Variants in SYT10 observed in about 807,000 individuals in gnomAD.
The protein encoded by SYT10 is synaptotagmin 10, also known as synaptotagmin-10.
In SYT10, 31 loss-of-function variants were observed where a neutral mutation model predicts 51.1. That is an observed-to-expected ratio of 0.61 (90% CI 0.46 to 0.82). SYT10 has a LOEUF of 0.82. SYT10 is among the 40% of genes least tolerant of loss of function. The pLI, the probability that SYT10 is intolerant of heterozygous loss-of-function variation, is 0.00. For missense variants in SYT10, 603 were observed against 634.0 expected, an observed-to-expected ratio of 0.95 and a Z score of 0.53; for synonymous variants, 233 against 225.9, an observed-to-expected ratio of 1.03 and a Z score of -0.28.
intron 1 of SYT10, among the ~76,000 whole-genome samples, chr12:33,434,298 G>GT (rs1460140433): frequency 1.3e-5 from 2 of 152,096 alleles, no homozygotes; most frequent in Admixed American, 1.3e-4. Flanking sequence ...TTTTAATGTT[G>GT]TAAGTGCTCT....
intron 2 of SYT10, among the ~76,000 whole-genome samples, chr12:33,423,634 A>T (rs1866524507): frequency 6.6e-6 from 1 of 152,174 alleles, no homozygotes; most frequent in Non-Finnish European, 1.5e-5. Flanking sequence ...CATTCATGAT[A>T]TTCATATACA....
chr12:33,425,135 T>C (rs756330920), intron 2 of SYT10, among the ~76,000 whole-genome samples: 5 of 152,150 alleles, frequency 3.3e-5, no homozygotes, highest in African/African-American at 9.6e-5. Context: ...ATTTGATAGA[T>C]TTCTAAACCC....
At chr12:33,377,322 G>A (rs1490722178) in intron 6 of SYT10, among the ~76,000 whole-genome samples, 6 of 151,774 alleles carry the variant, frequency 4.0e-5, no homozygotes, top group East Asian at 2.0e-4. Flanking sequence ...ACAGGCGCCC[G>A]CCACCACGCC....
intron 5 of SYT10, among the ~76,000 whole-genome samples, chr12:33,382,051 T>C (rs1359195593): frequency 2.0e-5 from 3 of 152,202 alleles, no homozygotes; most frequent in Non-Finnish European, 4.4e-5. Flanking sequence ...TTCTGTTGAT[T>C]GTAATCTCTG....
Position 33,439,420 on chromosome 12 carries a change from AG to A in SYT10, c.102del (p.Ser35ArgfsTer23), listed in dbSNP as rs1488673005. On this transcript the variant is annotated frameshift_variant, in exon 1 of 7. Transcript: ENST00000228567. LOFTEE classifies it high-confidence loss of function. ...CCCCTGTCCCGAGGGAAGATGCCCG[AG>A]CACTTCTCCCACTCCACCTGGCCGG... ...CFAGQVEWEK[C>X]SGIFPRDRGS... The A allele has an allele frequency of 1.2e-6, 2 of 1,614,080 alleles. No homozygotes were observed. Among genetic ancestry groups the A allele is most frequent in the Middle Eastern group, 1.6e-4 (1 of 6,062 alleles).
At chr12:33,387,772 G>A (rs1238673828) in intron 3 of SYT10, among the ~76,000 whole-genome samples, 2 of 130,330 alleles carry the variant, frequency 1.5e-5, no homozygotes, top group Non-Finnish European at 3.1e-5. Context: ...TTTTGAGACA[G>A]GGACTCTCAC....
intron 3 of SYT10, among the ~76,000 whole-genome samples, chr12:33,402,353 GT>G (rs1866314075): frequency 6.6e-6 from 1 of 151,862 alleles, no homozygotes; most frequent in Non-Finnish European, 1.5e-5. Context: ...TCCTCATGCT[GT>G]TTTTTTCTTC....
chr12:33,408,336 C>T (rs530044377), intron 2 of SYT10: 2 of 151,984 alleles, frequency 1.3e-5, no homozygotes, highest in African/African-American at 2.4e-5. Flanking sequence ...TAAAAACAAA[C>T]GTAGAATTTT....
At chr12:33,394,816 C>T (rs1320577389) in intron 3 of SYT10, among the ~76,000 whole-genome samples, 3 of 152,208 alleles carry the variant, frequency 2.0e-5, no homozygotes, top group Admixed American at 6.5e-5. Flanking sequence ...TACACAGGCA[C>T]GGTGGCTCAC....
chr12:33,434,803 C>T (rs920856257), intron 1 of SYT10, among the ~76,000 whole-genome samples: 5 of 151,898 alleles, frequency 3.3e-5, no homozygotes, highest in African/African-American at 1.2e-4. Context: ...GAACCTCCAT[C>T]TCAAAAAAAT....
At chr12:33,422,442 A>C (rs1866513209) in intron 2 of SYT10, among the ~76,000 whole-genome samples, 1 of 152,142 alleles carries the variant, frequency 6.6e-6, no homozygotes, top group Admixed American at 6.6e-5. Flanking sequence ...AGTGTTGCCA[A>C]GTGAATTATC....
chr12:33,421,462 G>T (rs1350817449), intron 2 of SYT10, among the ~76,000 whole-genome samples: 2 of 151,998 alleles, frequency 1.3e-5, no homozygotes, highest in East Asian at 1.9e-4. Context: ...AAAGAAAATT[G>T]GTTCTCATAC....
chr12:33,407,530 C>T (rs1866369740), intron 2 of SYT10, among the ~76,000 whole-genome samples, 174 bp from the exon 3 acceptor site: 1 of 152,140 alleles, frequency 6.6e-6, no homozygotes, highest in East Asian at 1.9e-4. Flanking sequence ...TAAAGAAGTA[C>T]AATATTCAAA....
intron 3 of SYT10, among the ~76,000 whole-genome samples, chr12:33,392,032 C>T (rs1866212299): frequency 6.6e-6 from 1 of 152,136 alleles, no homozygotes; most frequent in African/African-American, 2.4e-5. Context: ...CTTGAGAATA[C>T]AATAAACCAG....
chr12:33,411,616 G>A (rs1457169521), intron 2 of SYT10, among the ~76,000 whole-genome samples: 1 of 152,214 alleles, frequency 6.6e-6, no homozygotes, highest in East Asian at 1.9e-4. Context: ...AAACATACTA[G>A]AACTACTTTA....
rs1224632663 is a variant in SYT10 at position 33,396,749 on chromosome 12, T to C, written c.1077+10040A>G. ...GCCAGGCTGGAGTGCAGTGGCGCGA[T>C]CTTGGCTCACTGCAACCTCCACCTC... On this transcript the variant is annotated intron_variant, in intron 3 of 6. Coordinates refer to ENST00000228567, the MANE Select transcript of SYT10 (RefSeq NM_198992.4). Among the ~76,000 whole-genome samples, 7 of 151,770 alleles carry C rather than the reference T, an allele frequency of 4.6e-5. No homozygotes were observed. The East Asian group carries it at 7.8e-4, about 17-fold the overall frequency.
At chr12:33,427,324 G>T (rs187861448) in intron 1 of SYT10, among the ~76,000 whole-genome samples, 19 of 152,238 alleles carry the variant, frequency 1.2e-4, no homozygotes, top group African/African-American at 4.6e-4. Flanking sequence ...GAAATGGGCC[G>T]ATGGGACTAG....
At position 33,375,989 on chromosome 12, in the gene SYT10, C is replaced by T. The variant is rs944321727; in HGVS notation, c.*841G>A. The T allele has an allele frequency of 4.6e-5, 7 of 152,630 alleles. 1 individual carries two copies. Among genetic ancestry groups the T allele is most frequent in the Admixed American group, 4.6e-4 (7 of 15,288 alleles). The allele number at this position is 152,630 out of a possible 1,614,324, so 9.5% of individuals were successfully genotyped here. Reference sequence around the variant, plus strand: ...CATGTCACAGTACTTGAGAACCTTACAAACACTTAAAAATTAACTTCTGAT... The same window carrying T: ...CATGTCACAGTACTTGAGAACCTTATAAACACTTAAAAATTAACTTCTGAT... On this transcript the variant is annotated 3_prime_UTR_variant, in exon 7 of 7. Coordinates refer to ENST00000228567, the MANE Select transcript of SYT10 (RefSeq NM_198992.4).
At chr12:33,406,139 G>A (rs550186752) in intron 3 of SYT10, among the ~76,000 whole-genome samples, 131 of 152,016 alleles carry the variant, frequency 8.6e-4, no homozygotes, top group African/African-American at 2.9e-3. Context: ...TATGCTATGT[G>A]TTTTTACTGT....
Sources: gnomAD v4.1 joint callset for allele counts (sites outside exome capture counted in the v4.1 genomes callset) on GRCh38, gnomAD v4.1.1 for gene constraint, MANE v1.5 for transcripts, NCBI Gene and HGNC (gene_info 2026-07-23, HGNC 2026-07-21) for gene names.